Variants in DHX35 observed in about 807,000 individuals in gnomAD.
DHX35 encodes the protein probable ATP-dependent RNA helicase DHX35.
Under a neutral mutation model 99.6 loss-of-function variants are expected in DHX35, and 84 were observed. The observed-to-expected ratio is 0.84, with a 90% CI of 0.71 to 1.01. The LOEUF is 1.01. Ranked by LOEUF, DHX35 falls within the 50% of genes least tolerant of loss-of-function variation. The pLI, the probability that DHX35 is intolerant of heterozygous loss-of-function variation, is 0.00. For synonymous variants in DHX35, 331 were observed against 316.2 expected, an observed-to-expected ratio of 1.05 and a Z score of -0.50; for missense variants, 852 against 888.5, an observed-to-expected ratio of 0.96 and a Z score of 0.52.
At position 38,969,227 on chromosome 20, in the gene DHX35, A is replaced by G. The variant is rs779145343; in HGVS notation, c.174+13A>G. ...GCCGGTATTCAAGGTACGTCAAATA[A>G]TCATGTTCAACCTGTGGGCTTGAAT... On this transcript the variant is annotated intron_variant, in intron 2 of 21. Transcript: ENST00000252011. The G allele has an allele frequency of 6.2e-7, 1 of 1,604,124 alleles. No homozygotes were observed. The highest frequency in any genetic ancestry group is 1.1e-5 in the South Asian group (1 of 90,548).
intron 7 of DHX35, among the ~76,000 whole-genome samples, chr20:38,994,225 C>A (rs954001988): frequency 6.6e-6 from 1 of 152,002 alleles, no homozygotes; most frequent in African/African-American, 2.4e-5. Flanking sequence ...TTCACTGAAT[C>A]TTTGCCAACA....
intron 19 of DHX35, among the ~76,000 whole-genome samples, chr20:39,028,914 G>C (rs1468096446): frequency 6.6e-6 from 1 of 152,206 alleles, no homozygotes; most frequent in African/African-American, 2.4e-5. Context: ...GGCCACGTCT[G>C]GTGTCTTTGG....
chr20:39,019,019 G>A (rs2145926911), intron 15 of DHX35, 120 bp downstream of exon 15: 1 of 822,228 alleles, frequency 1.2e-6, no homozygotes, highest in Middle Eastern at 2.5e-4. Flanking sequence ...ATATATATCT[G>A]TAACATAACA....
At chr20:39,034,523 C>T (rs1159103628) in intron 21 of DHX35, among the ~76,000 whole-genome samples, 1 of 152,106 alleles carries the variant, frequency 6.6e-6, no homozygotes, top group Non-Finnish European at 1.5e-5. Context: ...AAATAAATCC[C>T]CCTAATCTCA....
rs567981316 is a variant in DHX35 at position 39,039,380 on chromosome 20, T to C, written c.*837T>C. 1 of 152,746 alleles carries C rather than the reference T, an allele frequency of 6.5e-6. No homozygotes were observed. Among genetic ancestry groups the C allele is most frequent in the Non-Finnish European group, 1.5e-5 (1 of 68,048 alleles). The allele number at this position is 152,746 out of a possible 1,614,324, so 9.5% of individuals were successfully genotyped here. ...GTAGCTCAGGAACATCACTGGTGTA[T>C]TTGTTTTTTTGTTTGTTTGCTTGGG... On this transcript the variant is annotated 3_prime_UTR_variant, in exon 22 of 22. Transcript: ENST00000252011.
intron 13 of DHX35, 104 bp downstream of exon 13, chr20:39,010,508 T>G: frequency 6.8e-7 from 1 of 1,473,422 alleles, no homozygotes; most frequent in Non-Finnish European, 9.1e-7. Context: ...TTTTCCCTAC[T>G]CAGGTCATGT....
chr20:38,968,974 A>G, intron 1 of DHX35, 107 bp from the exon 2 acceptor site: 1 of 1,298,942 alleles, frequency 7.7e-7, no homozygotes, highest in South Asian at 1.8e-5. Flanking sequence ...TTTGAGATAA[A>G]AAGTATTGCT....
rs193116348 is a variant in DHX35 at position 38,964,540 on chromosome 20, C to T, written c.40+2133C>T. Among the ~76,000 whole-genome samples, 716 of 152,198 alleles carry T rather than the reference C, an allele frequency of 4.7e-3. 3 individuals carry two copies. The highest frequency in any genetic ancestry group is 7.8e-3 in the Non-Finnish European group (530 of 68,000). ...CCACCTCCCAGGTTCAAGCGATTCT[C>T]CTGCCTCAGCCTCCTGAGTAGCTGG... On this transcript the variant is annotated intron_variant, in intron 1 of 21. Coordinates refer to ENST00000252011, the MANE Select transcript of DHX35 (RefSeq NM_021931.4).
At chr20:38,984,876 G>A (rs1460027512) in intron 4 of DHX35, among the ~76,000 whole-genome samples, 1 of 150,452 alleles carries the variant, frequency 6.6e-6, no homozygotes, top group Non-Finnish European at 1.5e-5. Flanking sequence ...TCTTGTATTG[G>A]CTGAATTTTA....
chr20:39,030,591 C>T, intron 19 of DHX35, 113 bp from the exon 20 acceptor site: 1 of 934,084 alleles, frequency 1.1e-6, no homozygotes. Context: ...AATTGTTTTG[C>T]TTGTGACGAG....
At chr20:39,019,909 T>G (rs1166178362) in intron 15 of DHX35, among the ~76,000 whole-genome samples, 1 of 152,200 alleles carries the variant, frequency 6.6e-6, no homozygotes, top group Non-Finnish European at 1.5e-5. Flanking sequence ...TCTCCCAGCC[T>G]CTGGTAACCA....
At chr20:39,028,333 C>A in intron 18 of DHX35, 85 bp from the exon 19 acceptor site, 1 of 1,351,962 alleles carries the variant, frequency 7.4e-7, no homozygotes, top group Non-Finnish European at 1.1e-6. Context: ...TGGGGTGGTG[C>A]TGGGAGTGGA....
chr20:39,038,473 C>T, intron 21 of DHX35, 26 bp from the exon 22 acceptor site: 1 of 1,613,568 alleles, frequency 6.2e-7, no homozygotes, highest in Non-Finnish European at 8.5e-7. Context: ...TCAACCCCAA[C>T]TGTAGTGTCT....
chr20:39,036,515 C>T, intron 21 of DHX35, among the ~76,000 whole-genome samples: 1 of 151,918 alleles, frequency 6.6e-6, no homozygotes, highest in East Asian at 1.9e-4. Context: ...CACATGAGGA[C>T]AGGAGTTCGA....
chr20:39,016,868 C>CTTT (rs777635952), intron 14 of DHX35, among the ~76,000 whole-genome samples: 1 of 106,454 alleles, frequency 9.4e-6, no homozygotes, highest in Non-Finnish European at 2.0e-5. Context: ...GTGCTGTTGT[C>CTTT]TTTTTTTTTT....
intron 20 of DHX35, among the ~76,000 whole-genome samples, chr20:39,031,060 G>A (rs1670708098): frequency 6.6e-6 from 1 of 152,070 alleles, no homozygotes; most frequent in Admixed American, 6.6e-5. Context: ...TACTCGGGAG[G>A]CTGAGGCAGG....
intron 14 of DHX35, among the ~76,000 whole-genome samples, chr20:39,016,814 TC>T (rs2145923256): frequency 6.6e-6 from 1 of 152,258 alleles, no homozygotes; most frequent in South Asian, 2.1e-4. Flanking sequence ...TTGTAAATCT[TC>T]TTTGGAGAAA....
chr20:38,983,980 A>G (rs763122765), intron 4 of DHX35, among the ~76,000 whole-genome samples: 2 of 151,992 alleles, frequency 1.3e-5, no homozygotes, highest in African/African-American at 4.8e-5. Flanking sequence ...AGCTATCTCA[A>G]CTCACTGCAA....
intron 13 of DHX35, among the ~76,000 whole-genome samples, chr20:39,011,912 G>A (rs2145915030): frequency 6.6e-6 from 1 of 152,206 alleles, no homozygotes; most frequent in South Asian, 2.1e-4. Context: ...TAGGGAAAAT[G>A]GACCCTTTGA....
Sources: gnomAD v4.1 joint callset for allele counts (sites outside exome capture counted in the v4.1 genomes callset) on GRCh38, gnomAD v4.1.1 for gene constraint, MANE v1.5 for transcripts, NCBI Gene and HGNC (gene_info 2026-07-23, HGNC 2026-07-21) for gene names.